Variants in SETBP1 observed in about 807,000 individuals in gnomAD.
SETBP1 encodes SET-binding protein.
A neutral mutation model predicts 101.0 loss-of-function variants in SETBP1; 9 were observed. That is an observed-to-expected ratio of 0.09 (90% CI 0.05 to 0.16). SETBP1 has a LOEUF of 0.16. Among genes scored for constraint, SETBP1 ranks in the 10% least tolerant of loss-of-function variants. SETBP1 has a pLI of 1.00. For missense variants in SETBP1, 1,858 were observed against 2,033.8 expected (o/e 0.91, Z 1.66); for synonymous variants, 818 against 788.5 (o/e 1.04, Z -0.63).
chr18:44,784,702 G>T (rs1196508582), intron 2 of SETBP1, among the ~76,000 whole-genome samples: 1 of 152,214 alleles, frequency 6.6e-6, no homozygotes, highest in Non-Finnish European at 1.5e-5. Flanking sequence ...ACCCAGAACA[G>T]TGCTTTGCAC....
At chr18:44,805,158 T>C (rs1404262370) in intron 2 of SETBP1, among the ~76,000 whole-genome samples, 1 of 152,136 alleles carries the variant, frequency 6.6e-6, no homozygotes, top group Non-Finnish European at 1.5e-5. Flanking sequence ...GAGGAAGTTT[T>C]CTCTCTCTAG....
At chr18:44,886,035 C>T (rs905571630) in intron 3 of SETBP1, among the ~76,000 whole-genome samples, 1 of 151,968 alleles carries the variant, frequency 6.6e-6, no homozygotes, top group Non-Finnish European at 1.5e-5. Flanking sequence ...TTGGCTGCAA[C>T]ATATAGTCGG....
At chr18:45,023,744 A>C (rs1257054990) in intron 4 of SETBP1, among the ~76,000 whole-genome samples, 1 of 152,138 alleles carries the variant, frequency 6.6e-6, no homozygotes, top group Non-Finnish European at 1.5e-5. Context: ...TTAAATATTC[A>C]AAGTTCTTTG....
At chr18:44,869,621 C>T (rs2069226591) in intron 3 of SETBP1, 1 of 359,590 alleles carries the variant, frequency 2.8e-6, no homozygotes, top group Non-Finnish European at 5.4e-6. Flanking sequence ...TGGGGTTCTC[C>T]CCTGCATTTC....
intron 3 of SETBP1, among the ~76,000 whole-genome samples, chr18:44,916,007 T>C (rs908817755): frequency 1.3e-5 from 2 of 152,030 alleles, no homozygotes; most frequent in African/African-American, 4.8e-5. Context: ...AGGCAGATCA[T>C]TTGAGGTAAG....
chr18:44,911,629 T>G (rs1386928518), intron 3 of SETBP1, among the ~76,000 whole-genome samples: 1 of 152,206 alleles, frequency 6.6e-6, no homozygotes, highest in East Asian at 1.9e-4. Context: ...GATAATGTTC[T>G]CCTCACTCTG....
At chr18:44,794,525 A>C (rs535969986) in intron 2 of SETBP1, among the ~76,000 whole-genome samples, 2 of 152,276 alleles carry the variant, frequency 1.3e-5, no homozygotes, top group Non-Finnish European at 2.9e-5. Flanking sequence ...CCCAGGGCTG[A>C]CAGAAGGAGT....
At position 44,913,313 on chromosome 18, in the gene SETBP1, A is replaced by G. The variant is rs116048705; in HGVS notation, c.541-36568A>G. On this transcript the variant is annotated intron_variant, in intron 3 of 5. Coordinates refer to ENST00000649279, the MANE Select transcript of SETBP1 (RefSeq NM_015559.3). ...TCAGGACTGGTGAGGCAGTTTCATT[A>G]CATCACCAGGGACTGAGTCTTCTCC... Among the ~76,000 whole-genome samples, 709 of 152,352 alleles carry G rather than the reference A, an allele frequency of 4.7e-3. 5 individuals carry two copies. The highest frequency in any genetic ancestry group is 0.016 in the African/African-American group (676 of 41,582).
At chr18:44,848,504 T>C (rs939831773) in intron 2 of SETBP1, among the ~76,000 whole-genome samples, 1 of 152,190 alleles carries the variant, frequency 6.6e-6, no homozygotes, top group African/African-American at 2.4e-5. Context: ...TATACACATA[T>C]CGTGGGCTAG....
rs1364233759 is a variant in SETBP1, at chr18:45,068,485, A to C, written c.*4787A>C. ...TATTCATATGTTATTCATTGTGTGA[A>C]ATTAAAGACATTCAATTCAGTCTAA... On this transcript the variant is annotated 3_prime_UTR_variant, in exon 6 of 6. Coordinates refer to ENST00000649279, the MANE Select transcript of SETBP1 (RefSeq NM_015559.3). 6.6e-6 allele frequency: 1 copy of C among 152,194 alleles called. No individual in the cohort carries two copies. The allele number at this position is 152,194 out of a possible 1,614,324, so 9.4% of individuals were successfully genotyped here.
At chr18:44,924,359 T>C (rs1246791234) in intron 3 of SETBP1, among the ~76,000 whole-genome samples, 3 of 152,026 alleles carry the variant, frequency 2.0e-5, no homozygotes, top group African/African-American at 4.8e-5. Context: ...CTAGAAGAAA[T>C]GGCTAGAGAG....
At chr18:44,756,094 G>A (rs2070487868) in intron 2 of SETBP1, among the ~76,000 whole-genome samples, 1 of 151,902 alleles carries the variant, frequency 6.6e-6, no homozygotes, top group African/African-American at 2.4e-5. Flanking sequence ...GCACATGCCT[G>A]CAGTCCCAGC....
chr18:44,806,802 G>A (rs1019564677), intron 2 of SETBP1, among the ~76,000 whole-genome samples: 2 of 151,480 alleles, frequency 1.3e-5, no homozygotes, highest in African/African-American at 4.9e-5. Flanking sequence ...CTTTTAAATA[G>A]CTGGAACTAC....
rs557486731 is a variant in SETBP1, at chr18:44,858,458, A to G, written c.487-10772A>G. Among the ~76,000 whole-genome samples the G allele has an allele frequency of 2.6e-5, 4 of 152,406 alleles. No individual in the cohort carries two copies. The South Asian group carries it at 8.3e-4, about 32-fold the overall frequency. On this transcript the variant is annotated intron_variant, in intron 2 of 5. Transcript: ENST00000649279. ...CAAAGCATACAAGCAAGCAAGTTCC[A>G]GTTGGCTAATTAAAATAAACAAGCA...
chr18:44,959,839 A>G (rs1449589028), intron 4 of SETBP1, among the ~76,000 whole-genome samples: 1 of 152,192 alleles, frequency 6.6e-6, no homozygotes. Flanking sequence ...CATGACCTAG[A>G]ACAGGAGCCA....
chr18:44,683,554 G>A (rs2068792519), intron 1 of SETBP1, among the ~76,000 whole-genome samples: 1 of 152,220 alleles, frequency 6.6e-6, no homozygotes, highest in Non-Finnish European at 1.5e-5. Flanking sequence ...GTACCTCTAG[G>A]AGAGGAGAGT....
intron 2 of SETBP1, among the ~76,000 whole-genome samples, chr18:44,806,225 T>C (rs2071730971): frequency 6.6e-6 from 1 of 152,198 alleles, no homozygotes; most frequent in African/African-American, 2.4e-5. Flanking sequence ...TTGTTTATTT[T>C]TAAAAAATCT....
chr18:44,797,080 A>G (rs111831098), intron 2 of SETBP1, among the ~76,000 whole-genome samples: 2 of 152,222 alleles, frequency 1.3e-5, no homozygotes, highest in African/African-American at 4.8e-5. Flanking sequence ...AACAGGTTAC[A>G]GGCAGATCCT....
At position 44,883,171 on chromosome 18, in the gene SETBP1, A is replaced by G. The variant is rs145726268; in HGVS notation, c.540+13888A>G. On this transcript the variant is annotated intron_variant, in intron 3 of 5. Transcript: ENST00000649279. ...TATCTCTTTGTCTGTAAGGAGATTC[A>G]TTTGTTCACATATGAACTCAGAGGA... 7.0e-3 allele frequency among the ~76,000 whole-genome samples: 1,072 copies of G among 152,276 alleles called. 18 individuals carry two copies. Among genetic ancestry groups the G allele is most frequent in the African/African-American group, 0.024 (998 of 41,552 alleles).
Sources: allele counts gnomAD v4.1 joint callset (sites outside exome capture counted in the v4.1 genomes callset), GRCh38; gene constraint gnomAD v4.1.1; transcripts MANE v1.5; gene names NCBI Gene and HGNC (gene_info 2026-07-23, HGNC 2026-07-21).